The following RPTOR variants were observed in gnomAD, a reference collection of about 807,000 sequenced individuals.
The protein encoded by RPTOR is regulatory-associated protein of mTOR.
RPTOR carries 21 observed loss-of-function variants against 169.9 expected under a neutral mutation model. That is an observed-to-expected ratio of 0.12 (90% confidence interval 0.09 to 0.18). RPTOR has a LOEUF of 0.18. RPTOR is among the 10% of genes least tolerant of loss of function. The probability of loss-of-function intolerance (pLI) is 1.00; values close to 1 mark genes in which losing one functional copy is unlikely to be tolerated. For missense variants in RPTOR, 1,133 were observed against 1,855.9 expected (o/e 0.61, Z 7.16); for synonymous variants, 732 against 753.2 (o/e 0.97, Z 0.46).
At chr17:80,676,279 G>A (rs1000030474) in intron 3 of RPTOR, among the ~76,000 whole-genome samples, 20 of 152,236 alleles carry the variant, frequency 1.3e-4, no homozygotes, top group African/African-American at 4.8e-4. Context: ...TGGCGAATGG[G>A]ATTTGATTAA....
At chr17:80,790,528 G>T (rs1184546890) in intron 6 of RPTOR, among the ~76,000 whole-genome samples, 1 of 151,904 alleles carries the variant, frequency 6.6e-6, no homozygotes, top group Non-Finnish European at 1.5e-5. Flanking sequence ...CACTGCTATG[G>T]GTACCCTCCT....
chr17:80,964,195 G>GCCCCCCCCCC lies in RPTOR; in HGVS notation c.3940-60_3940-59insCCCCCCCCCC. The GCCCCCCCCCC allele has an allele frequency of 5.4e-6, 6 of 1,105,590 alleles. No individual in the cohort carries two copies. The Admixed American group carries it at 5.7e-5, about 10-fold the overall frequency. The allele number at this position is 1,105,590 out of a possible 1,614,324, so 68.5% of individuals were successfully genotyped here. Reference sequence around the variant, plus strand: ...TGCCTAAGGATGCGGGTTGGCCTGCGCCCCCCCGCCCCCCGCAGTGTCTGC... The same window carrying GCCCCCCCCCC: ...TGCCTAAGGATGCGGGTTGGCCTGCGCCCCCCCCCCCCCCCCCGCCCCCCGCAGTGTCTGC... On this transcript the variant is annotated intron_variant, in intron 33 of 33. Coordinates refer to ENST00000306801, the MANE Select transcript of RPTOR (RefSeq NM_020761.3).
intron 1 of RPTOR, among the ~76,000 whole-genome samples, chr17:80,603,550 C>A (rs538683204): frequency 1.8e-4 from 27 of 152,224 alleles, no homozygotes; most frequent in Non-Finnish European, 2.9e-5. Flanking sequence ...CTTCCTGCTT[C>A]CAGGATTTAC....
At chr17:80,787,940 AC>A (rs1158310282) in intron 6 of RPTOR, among the ~76,000 whole-genome samples, 1 of 152,078 alleles carries the variant, frequency 6.6e-6, no homozygotes, top group African/African-American at 2.4e-5. Context: ...TAGGACGACT[AC>A]AAATGTTAAC....
intron 4 of RPTOR, among the ~76,000 whole-genome samples, chr17:80,717,479 C>G (rs1204175904): frequency 6.6e-6 from 1 of 152,110 alleles, no homozygotes; most frequent in Non-Finnish European, 1.5e-5. Flanking sequence ...CTGTGTTATT[C>G]CATTAGTTTA....
At chr17:80,630,361 C>A (rs7220261) in intron 2 of RPTOR, among the ~76,000 whole-genome samples, 1 of 152,144 alleles carries the variant, frequency 6.6e-6, no homozygotes, top group Non-Finnish European at 1.5e-5. Flanking sequence ...GTTATACCCA[C>A]TGCAACAGCA....
intron 11 of RPTOR, among the ~76,000 whole-genome samples, chr17:80,849,245 G>T (rs2067766727): frequency 6.6e-6 from 1 of 152,190 alleles, no homozygotes; most frequent in South Asian, 2.1e-4. Flanking sequence ...TCACTTAAGG[G>T]AAAGGGAGTT....
At chr17:80,875,336 T>G (rs2068095089) in intron 13 of RPTOR, among the ~76,000 whole-genome samples, 1 of 152,184 alleles carries the variant, frequency 6.6e-6, no homozygotes, top group Non-Finnish European at 1.5e-5. Context: ...AACAAATACA[T>G]GCTTGCATCT....
At chr17:80,893,110 G>C (rs2068347041) in intron 19 of RPTOR, among the ~76,000 whole-genome samples, 1 of 152,258 alleles carries the variant, frequency 6.6e-6, no homozygotes, top group Non-Finnish European at 1.5e-5. Context: ...CTCAAGCGCA[G>C]CCGCAGTTGA....
chr17:80,733,468 T>C (rs2066409031), intron 5 of RPTOR, among the ~76,000 whole-genome samples: 1 of 152,226 alleles, frequency 6.6e-6, no homozygotes, highest in Non-Finnish European at 1.5e-5. Context: ...GCTGAGACTC[T>C]ATGACCAAAG....
Position 80,965,542 on chromosome 17 carries a change from G to A in RPTOR, c.*1212G>A, listed in dbSNP as rs576527852. The A allele has an allele frequency of 3.4e-5, 8 of 233,398 alleles. No individual in the cohort carries two copies. Among genetic ancestry groups the A allele is most frequent in the South Asian group, 1.8e-4 (1 of 5,536 alleles). The allele number at this position is 233,398 out of a possible 1,614,324, so 14.5% of individuals were successfully genotyped here. A position where few individuals can be genotyped will look rare whatever the true frequency, so the allele number is the denominator to read the frequency against. ...TGGTATTTTGAAAAGTGTTCTTTCC[G>A]TGTTCGTCGGGAATCAGGATTATTG... On this transcript the variant is annotated 3_prime_UTR_variant, in exon 34 of 34. Coordinates refer to ENST00000306801, the MANE Select transcript of RPTOR (RefSeq NM_020761.3).
intron 31 of RPTOR, among the ~76,000 whole-genome samples, chr17:80,961,872 C>T (rs1055774317): frequency 2.6e-5 from 4 of 152,222 alleles, no homozygotes; most frequent in African/African-American, 7.2e-5. Flanking sequence ...GCACCAAGAG[C>T]AGGGAATATT....
chr17:80,962,043 A>T (rs1304940955), intron 31 of RPTOR, among the ~76,000 whole-genome samples: 1 of 152,204 alleles, frequency 6.6e-6, no homozygotes, highest in African/African-American at 2.4e-5. Flanking sequence ...ACGGGGCCTC[A>T]AAAGGGCCAG....
chr17:80,744,155 T>G (rs371219920), intron 5 of RPTOR, among the ~76,000 whole-genome samples: 1 of 73,530 alleles, frequency 1.4e-5, no homozygotes, highest in African/African-American at 5.4e-5. Context: ...TCCTGGTTAC[T>G]AGCACAGCCC....
chr17:80,583,064 C>T (rs994596573), intron 1 of RPTOR, among the ~76,000 whole-genome samples: 4 of 151,474 alleles, frequency 2.6e-5, no homozygotes, highest in South Asian at 2.1e-4. Flanking sequence ...CCCAGGCATG[C>T]GCCACCACGC....
intron 21 of RPTOR, among the ~76,000 whole-genome samples, chr17:80,917,933 CG>C (rs1258405782): frequency 6.6e-6 from 1 of 152,190 alleles, no homozygotes; most frequent in Non-Finnish European, 1.5e-5. Flanking sequence ...CACCAAGCCA[CG>C]GGCGTGCACA....
intron 13 of RPTOR, among the ~76,000 whole-genome samples, chr17:80,871,556 G>C (rs547035504): frequency 5.9e-5 from 9 of 152,312 alleles, no homozygotes; most frequent in African/African-American, 2.2e-4. Flanking sequence ...TGAAGCCGCT[G>C]CTGCCGCCCC....
intron 4 of RPTOR, among the ~76,000 whole-genome samples, chr17:80,727,313 A>T (rs540354817): frequency 2.2e-4 from 33 of 151,064 alleles, no homozygotes; most frequent in African/African-American, 8.1e-4. Context: ...TCATGCTCCG[A>T]GAACGTGGAC....
intron 17 of RPTOR, among the ~76,000 whole-genome samples, chr17:80,885,702 C>T (rs922763750): frequency 7.9e-5 from 12 of 152,070 alleles, no homozygotes; most frequent in African/African-American, 2.4e-4. Flanking sequence ...CCACCACACT[C>T]GGCTAATTTT....
Sources: allele counts gnomAD v4.1 joint callset (sites outside exome capture counted in the v4.1 genomes callset), GRCh38; gene constraint gnomAD v4.1.1; transcripts MANE v1.5; gene names NCBI Gene and HGNC (gene_info 2026-07-23, HGNC 2026-07-21).